Variants in TGFBR3 observed in about 807,000 individuals in gnomAD.
TGFBR3 encodes transforming growth factor beta receptor 3.
In TGFBR3, 46 loss-of-function variants were observed where a neutral mutation model predicts 87.9. That is an observed-to-expected ratio of 0.52 (90% confidence interval 0.41 to 0.67). The LOEUF (loss-of-function observed/expected upper bound fraction) is 0.67. Among genes scored for constraint, TGFBR3 ranks in the 30% least tolerant of loss-of-function variants. TGFBR3 has a pLI of 0.00. For missense variants in TGFBR3, 866 were observed against 1,041.9 expected (o/e 0.83, Z 2.32); for synonymous variants, 381 against 391.6 (o/e 0.97, Z 0.32).
chr1:91,822,841 G>A (rs1408477447), intron 2 of TGFBR3, among the ~76,000 whole-genome samples: 3 of 152,116 alleles, frequency 2.0e-5, no homozygotes, highest in Non-Finnish European at 4.4e-5. Flanking sequence ...TGGGAGGACT[G>A]CTTGAGCCCA....
chr1:91,859,004 G>A lies in TGFBR3; in HGVS notation c.61+2467C>T, dbSNP rs192696446. 2.6e-3 allele frequency among the ~76,000 whole-genome samples: 391 copies of A among 151,238 alleles called. 2 individuals carry two copies. Among genetic ancestry groups the A allele is most frequent in the South Asian group, 0.018 (87 of 4,754 alleles). On this transcript the variant is annotated intron_variant, in intron 2 of 16. Coordinates refer to ENST00000212355, the MANE Select transcript of TGFBR3 (RefSeq NM_003243.5). ...CAGGAGGCAGAGGTTGCAGTGAGCCGAGATGGCACCACTGCACTCCAGCCT... is the reference window on the plus strand; with the variant it reads ...CAGGAGGCAGAGGTTGCAGTGAGCCAAGATGGCACCACTGCACTCCAGCCT...
At chr1:91,899,158 A>C (rs1047805315) in intron 2 of TGFBR3, among the ~76,000 whole-genome samples, 1 of 152,170 alleles carries the variant, frequency 6.6e-6, no homozygotes, top group African/African-American at 2.4e-5. Flanking sequence ...TCTTACCCCC[A>C]AAATAAGAAT....
At chr1:91,755,578 T>G (rs1453263334) in intron 4 of TGFBR3, among the ~76,000 whole-genome samples, 1 of 152,222 alleles carries the variant, frequency 6.6e-6, no homozygotes, top group Non-Finnish European at 1.5e-5. Flanking sequence ...TTACTTGATC[T>G]GCAATCTCCT....
chr1:91,728,985 T>A (rs1272532000), intron 6 of TGFBR3, among the ~76,000 whole-genome samples: 1 of 150,738 alleles, frequency 6.6e-6, no homozygotes, highest in African/African-American at 2.4e-5. Flanking sequence ...AGAGGCAAGT[T>A]CTATCGAATG....
At chr1:91,802,358 T>G (rs1370241299) in intron 2 of TGFBR3, among the ~76,000 whole-genome samples, 1 of 151,964 alleles carries the variant, frequency 6.6e-6, no homozygotes, top group Admixed American at 6.6e-5. Flanking sequence ...TTTCTCCTTT[T>G]TTTTCTTTTT....
At chr1:91,823,071 G>A (rs1280208982) in intron 2 of TGFBR3, among the ~76,000 whole-genome samples, 6 of 152,134 alleles carry the variant, frequency 3.9e-5, no homozygotes, top group Non-Finnish European at 7.3e-5. Context: ...TCTTCAAGGA[G>A]CTCACAGTCT....
chr1:91,898,464 T>C (rs1233125397), intron 2 of TGFBR3, among the ~76,000 whole-genome samples: 4 of 152,018 alleles, frequency 2.6e-5, no homozygotes, highest in African/African-American at 9.7e-5. Flanking sequence ...TGAGATGGAG[T>C]CTCGCTCTGT....
intron 9 of TGFBR3, 63 bp downstream of exon 9, chr1:91,719,830 C>T (rs965492620): frequency 3.8e-6 from 6 of 1,564,982 alleles, no homozygotes; most frequent in Non-Finnish European, 4.4e-6. Context: ...ATTACAGATG[C>T]AGACTAGGGC....
Position 91,681,037 on chromosome 1 carries a change from A to C in TGFBR3, c.*2702T>G. ...TTTAACAACAGCTTCAGCATCAAAC[A>C]AACAACAAAATGGCCTCTGCAAATT... is the stretch of plus-strand genomic sequence containing the variant. On this transcript the variant is annotated 3_prime_UTR_variant, in exon 17 of 17. Coordinates refer to ENST00000212355, the MANE Select transcript of TGFBR3 (RefSeq NM_003243.5). The C allele has an allele frequency of 2.2e-6, 1 of 454,108 alleles. No homozygotes were observed. The highest frequency in any genetic ancestry group is 1.6e-5 in the South Asian group (1 of 64,474). 28.1% of individuals were successfully genotyped at this position (454,108 alleles called of 1,614,324 possible). A position where few individuals can be genotyped will look rare whatever the true frequency, so the allele number is the denominator to read the frequency against.
rs1557654605 is a variant in TGFBR3, at chr1:91,683,720, C to CTGGGTTGGGCT, written c.*18_*19insAGCCCAACCCA. The CTGGGTTGGGCT allele has an allele frequency of 1.4e-6, 2 of 1,407,068 alleles. No individual in the cohort carries two copies. The highest frequency in any genetic ancestry group is 3.4e-5 in the East Asian group (1 of 29,396). The allele number at this position is 1,407,068 out of a possible 1,614,324, so 87.2% of individuals were successfully genotyped here. On this transcript the variant is annotated 3_prime_UTR_variant, in exon 17 of 17. Coordinates refer to ENST00000212355, the MANE Select transcript of TGFBR3 (RefSeq NM_003243.5). ...TGAGCTGGGCTGGGCTGGGTTGGGC[C>CTGGGTTGGGCT]GGGTTGGGCTGGGTTGGGCTAGGCC... is the stretch of plus-strand genomic sequence containing the variant.
intron 3 of TGFBR3, among the ~76,000 whole-genome samples, chr1:91,795,803 C>T (rs902412217): frequency 1.3e-5 from 2 of 152,112 alleles, no homozygotes; most frequent in Non-Finnish European, 2.9e-5. Flanking sequence ...AGAAATCTGA[C>T]CTGAAATATG....
At chr1:91,854,406 G>A (rs1677859317) in intron 2 of TGFBR3, among the ~76,000 whole-genome samples, 1 of 151,996 alleles carries the variant, frequency 6.6e-6, no homozygotes, top group Non-Finnish European at 1.5e-5. Context: ...ACTATCTAGT[G>A]CCCTTCCAAG....
intron 4 of TGFBR3, among the ~76,000 whole-genome samples, chr1:91,752,884 G>A (rs769248629): frequency 2.6e-5 from 4 of 151,796 alleles, no homozygotes; most frequent in African/African-American, 9.7e-5. Flanking sequence ...AAAATTAGCT[G>A]GGTGTGGGGG....
intron 1 of TGFBR3, among the ~76,000 whole-genome samples, chr1:91,869,675 A>C (rs78517377): frequency 0.051 from 7,743 of 152,310 alleles, 284 homozygotes; most frequent in Non-Finnish European, 0.072. Context: ...AACAAAAGAA[A>C]AAAGAAAAAA....
intron 2 of TGFBR3, among the ~76,000 whole-genome samples, chr1:91,831,107 A>G (rs1359510334): frequency 6.6e-6 from 1 of 152,166 alleles, no homozygotes; most frequent in Non-Finnish European, 1.5e-5. Context: ...CTGGGGCACA[A>G]CCTGCACCAT....
At chr1:91,845,165 C>A (rs1032595812) in intron 2 of TGFBR3, among the ~76,000 whole-genome samples, 1 of 152,174 alleles carries the variant, frequency 6.6e-6, no homozygotes, top group Admixed American at 6.5e-5. Flanking sequence ...GGAGATCTGA[C>A]AACATCACGA....
chr1:91,803,543 T>C (rs1675722931), intron 2 of TGFBR3, among the ~76,000 whole-genome samples: 1 of 151,994 alleles, frequency 6.6e-6, no homozygotes. Flanking sequence ...GAACTGCTTT[T>C]TTTTTTTTAA....
chr1:91,898,189 A>T (rs1035162239), intron 2 of TGFBR3, among the ~76,000 whole-genome samples: 4 of 152,118 alleles, frequency 2.6e-5, no homozygotes, highest in Admixed American at 2.6e-4. Context: ...GTCTCTTCAG[A>T]GGTAACCACT....
At chr1:91,781,869 G>A (rs1674780079) in intron 3 of TGFBR3, among the ~76,000 whole-genome samples, 1 of 152,116 alleles carries the variant, frequency 6.6e-6, no homozygotes, top group Non-Finnish European at 1.5e-5. Context: ...AGTAGGCTTT[G>A]AAAGATTTTA....
Sources: allele counts gnomAD v4.1 joint callset (sites outside exome capture counted in the v4.1 genomes callset), GRCh38; gene constraint gnomAD v4.1.1; transcripts MANE v1.5; gene names NCBI Gene and HGNC (gene_info 2026-07-23, HGNC 2026-07-21).